GHR: variants seen among roughly 807,000 people sequenced by gnomAD.
The protein encoded by GHR is growth hormone receptor.
In GHR, 35 loss-of-function variants were observed where a neutral mutation model predicts 67.1. The observed-to-expected ratio is 0.52, with a 90% CI of 0.40 to 0.69. GHR has a LOEUF of 0.69. Among genes scored for constraint, GHR ranks in the 30% least tolerant of loss-of-function variants. The pLI is 0.00. For synonymous variants in GHR, 272 were observed against 269.1 expected, an observed-to-expected ratio of 1.01 and a Z score of -0.10; for missense variants, 792 against 764.6, an observed-to-expected ratio of 1.04 and a Z score of -0.42.
chr5:42,476,971 T>C (rs183302802), intron 1 of GHR, among the ~76,000 whole-genome samples: 3,270 of 152,150 alleles, frequency 0.021, 196 homozygotes, highest in East Asian at 0.13. Context: ...CATGTTGGTG[T>C]GCTGCACCCA....
intron 2 of GHR, among the ~76,000 whole-genome samples, chr5:42,579,151 T>TATAGATAGATAG (rs10533483): frequency 2.0e-4 from 18 of 88,234 alleles, no homozygotes; most frequent in Admixed American, 3.4e-4. Context: ...GATAGATAGA[T>TATAGATAGATAG]ATAGATAGAT....
At chr5:42,549,758 G>A (rs1579920069) in intron 1 of GHR, 1 of 639,626 alleles carries the variant, frequency 1.6e-6, no homozygotes, top group Non-Finnish European at 1.9e-6. Context: ...AGTACTGGGG[G>A]GTTTGAAACA....
intron 1 of GHR, among the ~76,000 whole-genome samples, chr5:42,453,609 C>T (rs983765483): frequency 6.6e-6 from 1 of 152,208 alleles, no homozygotes; most frequent in African/African-American, 2.4e-5. Context: ...AGACAGGCAT[C>T]TCTTTTCATC....
intron 1 of GHR, among the ~76,000 whole-genome samples, chr5:42,504,458 G>T (rs1293889890): frequency 6.6e-6 from 1 of 152,082 alleles, no homozygotes; most frequent in Non-Finnish European, 1.5e-5. Context: ...GCAGTATGTT[G>T]TTCTAAAGGT....
intron 6 of GHR, 67 bp from the exon 7 acceptor site, chr5:42,711,140 C>G (rs1447090880): frequency 9.0e-7 from 1 of 1,107,260 alleles, no homozygotes; most frequent in Non-Finnish European, 1.4e-6. Flanking sequence ...GGGAGAATAC[C>G]TGTAGTGTTC....
chr5:42,676,406 G>A (rs1756575497), intron 3 of GHR, among the ~76,000 whole-genome samples: 1 of 152,276 alleles, frequency 6.6e-6, no homozygotes, highest in Admixed American at 6.5e-5. Flanking sequence ...ATTCTACAGA[G>A]AATCATGAGG....
intron 1 of GHR, among the ~76,000 whole-genome samples, chr5:42,526,743 G>T (rs901292396): frequency 6.6e-6 from 1 of 151,954 alleles, no homozygotes; most frequent in Admixed American, 6.5e-5. Context: ...ACCCCTGCAA[G>T]ATTCTACACA....
At chr5:42,490,937 T>C (rs899093093) in intron 1 of GHR, among the ~76,000 whole-genome samples, 2 of 152,352 alleles carry the variant, frequency 1.3e-5, no homozygotes, top group Admixed American at 1.3e-4. Flanking sequence ...ATATTTTACT[T>C]GGAAAAAAAG....
intron 1 of GHR, among the ~76,000 whole-genome samples, chr5:42,462,130 A>G (rs1290879097): frequency 2.0e-5 from 3 of 152,246 alleles, no homozygotes; most frequent in African/African-American, 7.2e-5. Context: ...ATGTTCACCC[A>G]GATACATTTC....
chr5:42,570,736 TAGAAG>T (rs1183240969), intron 2 of GHR, among the ~76,000 whole-genome samples: 1 of 152,332 alleles, frequency 6.6e-6, no homozygotes, highest in African/African-American at 2.4e-5. Flanking sequence ...TCACAGTCTT[TAGAAG>T]AGAAAACAGA....
intron 1 of GHR, among the ~76,000 whole-genome samples, chr5:42,533,107 G>T (rs893244321): frequency 6.6e-6 from 1 of 152,036 alleles, no homozygotes; most frequent in Admixed American, 6.6e-5. Context: ...ATTATTATCA[G>T]ATTTAATTAT....
At chr5:42,546,695 T>G (rs1025785472) in intron 1 of GHR, among the ~76,000 whole-genome samples, 2 of 152,170 alleles carry the variant, frequency 1.3e-5, no homozygotes, top group Admixed American at 1.3e-4. Context: ...GATGCCATGA[T>G]GATAATTATG....
At chr5:42,545,485 A>G (rs1748696924) in intron 1 of GHR, among the ~76,000 whole-genome samples, 1 of 152,224 alleles carries the variant, frequency 6.6e-6, no homozygotes, top group South Asian at 2.1e-4. Context: ...AGTACTTAAC[A>G]GATTTCTACA....
At chr5:42,710,141 T>G (rs1056268130) in intron 6 of GHR, among the ~76,000 whole-genome samples, 2 of 152,106 alleles carry the variant, frequency 1.3e-5, no homozygotes, top group Non-Finnish European at 2.9e-5. Context: ...ATCCCATATA[T>G]TCAGAGGCTT....
chr5:42,719,106 C>T lies in GHR; in HGVS notation c.1599C>T (p.Ala533=). Residue 533 remains alanine, a synonymous_variant, in exon 10 of 10, where the codon GCC becomes GCT. Transcript: ENST00000230882. ...AAGAAAACTTCCTTATGGACAATGCCTACTTCTGTGAGGCAGATGCCAAAA... is the reference window on the plus strand; with the variant it reads ...AAGAAAACTTCCTTATGGACAATGCTTACTTCTGTGAGGCAGATGCCAAAA... ...LCQENFLMDN[A]YFCEADAKKC... is the part of the protein sequence containing the mutation. 1 of 1,614,100 alleles carries T rather than the reference C, an allele frequency of 6.2e-7. No homozygotes were observed. The highest frequency in any genetic ancestry group is 8.5e-7 in the Non-Finnish European group (1 of 1,179,964).
intron 1 of GHR, among the ~76,000 whole-genome samples, chr5:42,440,229 G>A (rs554014114): frequency 2.5e-4 from 38 of 152,282 alleles, no homozygotes; most frequent in Middle Eastern, 6.8e-3. Flanking sequence ...AGTCTAGGAC[G>A]GAGAAAGGCA....
chr5:42,471,412 A>T (rs1401480297), intron 1 of GHR, among the ~76,000 whole-genome samples: 3 of 152,240 alleles, frequency 2.0e-5, no homozygotes, highest in African/African-American at 7.2e-5. Context: ...AACTAATGGA[A>T]AATCAAGCAG....
At chr5:42,580,499 TTA>T (rs1277646386) in intron 2 of GHR, among the ~76,000 whole-genome samples, 1 of 152,154 alleles carries the variant, frequency 6.6e-6, no homozygotes, top group African/African-American at 2.4e-5. Context: ...CTTTAATATT[TTA>T]TATGAGTCTC....
At chr5:42,660,989 G>A (rs1378433523) in intron 3 of GHR, among the ~76,000 whole-genome samples, 5 of 152,196 alleles carry the variant, frequency 3.3e-5, no homozygotes, top group African/African-American at 1.2e-4. Flanking sequence ...GATGCGATCA[G>A]CTGGTAGAAA....
Sources: gnomAD v4.1 joint callset for allele counts (sites outside exome capture counted in the v4.1 genomes callset) on GRCh38, gnomAD v4.1.1 for gene constraint, MANE v1.5 for transcripts, NCBI Gene and HGNC (gene_info 2026-07-23, HGNC 2026-07-21) for gene names.